The following DCAF1 variants were observed in gnomAD, a reference collection of about 807,000 sequenced individuals.
The protein encoded by DCAF1 is DDB1- and CUL4-associated factor 1.
In DCAF1, 15 loss-of-function variants were observed where a neutral mutation model predicts 128.0. That is an observed-to-expected ratio of 0.12 (90% CI 0.08 to 0.18). The LOEUF is 0.18. Ranked by LOEUF, DCAF1 falls within the 10% of genes least tolerant of loss-of-function variation. DCAF1 has a pLI of 1.00. For synonymous variants in DCAF1, 610 were observed against 603.0 expected, an observed-to-expected ratio of 1.01 and a Z score of -0.17; for missense variants, 988 against 1,649.5, an observed-to-expected ratio of 0.60 and a Z score of 6.95.
chr3:51,406,089 ATCCCAACACTTTGG>A (rs2090084692), intron 23 of DCAF1, among the ~76,000 whole-genome samples: 1 of 152,038 alleles, frequency 6.6e-6, no homozygotes, highest in South Asian at 2.1e-4. Flanking sequence ...CACACCTGTA[ATCCCAACACTTTGG>A]GAGGCTGAGG....
intron 2 of DCAF1, among the ~76,000 whole-genome samples, chr3:51,486,625 C>A (rs990682964): frequency 1.3e-5 from 2 of 151,772 alleles, no homozygotes; most frequent in East Asian, 1.9e-4. Context: ...ACTATACATA[C>A]GTTGTTATTT....
At chr3:51,431,450 G>A (rs1348672117) in intron 10 of DCAF1, among the ~76,000 whole-genome samples, 2 of 150,732 alleles carry the variant, frequency 1.3e-5, no homozygotes, top group Middle Eastern at 3.4e-3. Flanking sequence ...AACCCAGGGG[G>A]CAGAGGTTGC....
intron 6 of DCAF1, among the ~76,000 whole-genome samples, chr3:51,457,199 A>C (rs578231307): frequency 1.3e-5 from 2 of 152,336 alleles, no homozygotes; most frequent in East Asian, 3.9e-4. Flanking sequence ...TAGAATAACC[A>C]ATGCAGAGAA....
intron 6 of DCAF1, among the ~76,000 whole-genome samples, chr3:51,456,905 C>T (rs774860409): frequency 3.3e-4 from 50 of 152,128 alleles, no homozygotes; most frequent in Non-Finnish European, 6.2e-4. Context: ...CACCAAAAAC[C>T]CATCTGTACG....
chr3:51,396,367 G>A (rs1303815234), downstream of DCAF1: 1 of 168,474 alleles, frequency 5.9e-6, no homozygotes, highest in Non-Finnish European at 1.4e-5. Context: ...CTCTTTCCTG[G>A]CCCTCAACCA....
At chr3:51,409,216 A>G (rs1409299470) in intron 23 of DCAF1, among the ~76,000 whole-genome samples, 1 of 152,200 alleles carries the variant, frequency 6.6e-6, no homozygotes, top group Non-Finnish European at 1.5e-5. Flanking sequence ...TCCTGGAGAG[A>G]GTGGGATAAG....
intron 3 of DCAF1, among the ~76,000 whole-genome samples, chr3:51,483,448 AAAATTAAATT>A (rs1553653832): frequency 6.6e-6 from 1 of 152,056 alleles, no homozygotes; most frequent in African/African-American, 2.4e-5. Flanking sequence ...TCAAAAAAAA[AAAATTAAATT>A]AAATTAAATA....
In DCAF1 at chr3:51,431,496, G is replaced by C. The variant is rs1700374838; in HGVS notation, c.1288-1284C>G. ...GATCCCGCCTCTGCACTCCAGTCTG[G>C]GTGACAGAGCAAGATTCCGTCTCAA... On this transcript the variant is annotated intron_variant, in intron 10 of 24. Coordinates refer to ENST00000684031, the MANE Select transcript of DCAF1 (RefSeq NM_001387579.1). 1.3e-5 allele frequency among the ~76,000 whole-genome samples: 2 copies of C among 149,884 alleles called. 1 individual carries two copies. Among genetic ancestry groups the C allele is most frequent in the South Asian group, 4.2e-4 (2 of 4,722 alleles).
chr3:51,494,830 T>C (rs1708064181), intron 2 of DCAF1, among the ~76,000 whole-genome samples: 1 of 152,120 alleles, frequency 6.6e-6, no homozygotes. Flanking sequence ...AGTGCTAGGA[T>C]TGTAGACATG....
chr3:51,472,001 C>A (rs1161095116), intron 3 of DCAF1, among the ~76,000 whole-genome samples: 4 of 152,324 alleles, frequency 2.6e-5, no homozygotes, highest in Non-Finnish European at 5.9e-5. Flanking sequence ...CCACCATCAT[C>A]AACTACCTGG....
intron 7 of DCAF1, 44 bp downstream of exon 7, chr3:51,443,722 A>T: frequency 2.0e-6 from 3 of 1,533,824 alleles, no homozygotes; most frequent in Non-Finnish European, 1.7e-6. Context: ...ACCTGTGAAT[A>T]CTCTCCCATT....
intron 2 of DCAF1, among the ~76,000 whole-genome samples, chr3:51,486,116 T>C (rs1553655351): frequency 2.0e-5 from 3 of 151,574 alleles, no homozygotes. Context: ...GGTCTCAATC[T>C]CCTGACCTCA....
chr3:51,430,805 ATAT>A (rs1177938677), intron 10 of DCAF1, among the ~76,000 whole-genome samples: 7 of 152,378 alleles, frequency 4.6e-5, no homozygotes, highest in Non-Finnish European at 5.9e-5. Flanking sequence ...ATTAAAACTG[ATAT>A]TATTAATAAG....
rs1700531612 is a variant in DCAF1, at chr3:51,433,098, T to G, written c.1287+8A>C. The G allele has an allele frequency of 1.3e-5, 5 of 398,550 alleles. No individual in the cohort carries two copies. In the South Asian group the frequency reaches 6.4e-4, roughly 51 times the overall value. 24.7% of individuals were successfully genotyped at this position (398,550 alleles called of 1,614,324 possible). A position where few individuals can be genotyped will look rare whatever the true frequency, so the allele number is the denominator to read the frequency against. ...TCTCATCCCCACAAACCTGTATAGATGACTTACTCTTTCCATGGCATCCTG... is the reference window on the plus strand; with the variant it reads ...TCTCATCCCCACAAACCTGTATAGAGGACTTACTCTTTCCATGGCATCCTG... On this transcript the variant is annotated splice_region_variant and intron_variant, in intron 10 of 24. Coordinates refer to ENST00000684031, the MANE Select transcript of DCAF1 (RefSeq NM_001387579.1).
chr3:51,409,853 A>AC (rs1388327302), intron 23 of DCAF1, among the ~76,000 whole-genome samples: 2 of 152,220 alleles, frequency 1.3e-5, no homozygotes, highest in African/African-American at 4.8e-5. Context: ...AATTTGGAGG[A>AC]CCTAATACCA....
chr3:51,434,179 A>G (rs1700624040), intron 9 of DCAF1, among the ~76,000 whole-genome samples: 2 of 152,106 alleles, frequency 1.3e-5, no homozygotes, highest in Non-Finnish European at 2.9e-5. Flanking sequence ...AGGTGAAAAG[A>G]CTGCTTGAAG....
chr3:51,441,582 T>C lies in DCAF1; in HGVS notation c.829A>G (p.Asn277Asp). ...NKSAKQGDRE[N>D]FRKAKQKLGF... ...AACTTTTGCTTGGCTTTCCTAAAGT[T>C]CTCTCTGTCACCCTGTTTTGCTGAC... is the stretch of plus-strand genomic sequence containing the variant. Residue 277 changes from asparagine (N) to aspartate (D), a missense_variant, in exon 8 of 25, where the codon AAC becomes GAC. Physicochemically the swap from Asn to Asp is conservative, Grantham distance 23. Around this residue, in one of 11 missense-constraint regions of DCAF1, gnomAD observed 210 missense variants for 260.2 expected, o/e 0.81. Transcript: ENST00000684031. 6.2e-7 allele frequency: 1 copy of C among 1,613,980 alleles called. No individual in the cohort carries two copies. Among genetic ancestry groups the C allele is most frequent in the Non-Finnish European group, 8.5e-7 (1 of 1,179,882 alleles).
At position 51,420,088 on chromosome 3, in the gene DCAF1, C is replaced by T; in HGVS notation, c.2882G>A (p.Arg961Lys). The T allele has an allele frequency of 6.2e-7, 1 of 1,614,036 alleles. No homozygotes were observed. The highest frequency in any genetic ancestry group is 1.1e-5 in the South Asian group (1 of 91,092). Residue 961 changes from arginine to lysine, a missense_variant, in exon 15 of 25, where the codon AGA becomes AAA. Physicochemically the swap from Arg to Lys is conservative, Grantham distance 26 (BLOSUM62 2). This residue lies in a region of DCAF1 where 105 missense variants were observed against 266.7 expected (regional missense o/e 0.39). Coordinates refer to ENST00000684031, the MANE Select transcript of DCAF1 (RefSeq NM_001387579.1). The surrounding 1 kb of genome is among the most constrained non-coding windows in gnomAD (Gnocchi z 6.5). Reference sequence around the variant, plus strand: ...GCCATTGCAGGGTGATGGCCTCTCTCTGATAAAACTGATTCTACCAATCAA... The same window carrying T: ...GCCATTGCAGGGTGATGGCCTCTCTTTGATAAAACTGATTCTACCAATCAA... ...SPLIGRISFI[R>K]ERPSPCNGRK...
intron 3 of DCAF1, among the ~76,000 whole-genome samples, chr3:51,474,144 C>T (rs929517195): frequency 7.4e-4 from 113 of 152,128 alleles, no homozygotes; most frequent in Middle Eastern, 6.8e-3. Flanking sequence ...TCCTGGCCGG[C>T]GCCGTGGCTC....
Sources: gnomAD v4.1 joint callset for allele counts (sites outside exome capture counted in the v4.1 genomes callset) on GRCh38, gnomAD v4.1.1 for gene constraint, gnomAD v4.1.1 regional missense constraint, Gnocchi (gnomAD v3.1) non-coding constraint, MANE v1.5 for transcripts, NCBI Gene and HGNC (gene_info 2026-07-23, HGNC 2026-07-21) for gene names.